Variants in RABGAP1 observed in about 807,000 individuals in gnomAD.
The protein encoded by RABGAP1 is RAB GTPase activating protein 1.
RABGAP1 carries 23 observed loss-of-function variants against 137.6 expected under a neutral mutation model. The observed-to-expected ratio is 0.17, with a 90% CI of 0.12 to 0.24. RABGAP1 has a LOEUF of 0.24. Among genes scored for constraint, RABGAP1 ranks in the 10% least tolerant of loss-of-function variants. RABGAP1 has a pLI of 1.00. For synonymous variants in RABGAP1, 451 were observed against 450.7 expected, an observed-to-expected ratio of 1.00 and a Z score of -0.01; for missense variants, 906 against 1,275.8, an observed-to-expected ratio of 0.71 and a Z score of 4.42.
At chr9:122,975,959 G>C (rs1669153603) in intron 2 of RABGAP1, among the ~76,000 whole-genome samples, 2 of 152,166 alleles carry the variant, frequency 1.3e-5, no homozygotes, top group African/African-American at 2.4e-5. Context: ...TCCAAGTATG[G>C]CTACTAAGTT....
At chr9:123,071,540 A>G (rs760445578) in intron 15 of RABGAP1, 1 of 152,240 alleles carries the variant, frequency 6.6e-6, no homozygotes, top group Non-Finnish European at 1.5e-5. Context: ...CTGGATACAG[A>G]GCTTGTGAAT....
chr9:122,971,538 C>T (rs919332971), intron 2 of RABGAP1: 75 of 152,122 alleles, frequency 4.9e-4, no homozygotes, highest in African/African-American at 1.7e-3. Flanking sequence ...TAGGTATAAC[C>T]TTAAGGGAAA....
chr9:123,027,231 A>T (rs745330648), intron 13 of RABGAP1, among the ~76,000 whole-genome samples: 7 of 149,126 alleles, frequency 4.7e-5, no homozygotes, highest in African/African-American at 9.9e-5. Flanking sequence ...TTCTCCTGTC[A>T]CAGCCTCCCG....
intron 19 of RABGAP1, among the ~76,000 whole-genome samples, chr9:123,083,021 C>G (rs2034760696): frequency 6.6e-6 from 1 of 152,202 alleles, no homozygotes. Context: ...ACACAGTGCT[C>G]TCATACAGTG....
intron 21 of RABGAP1, among the ~76,000 whole-genome samples, chr9:123,092,474 T>G (rs1230830957): frequency 2.0e-5 from 3 of 152,158 alleles, no homozygotes; most frequent in Non-Finnish European, 4.4e-5. Flanking sequence ...GAGGATTTGT[T>G]TTTTTTAACA....
chr9:122,932,416 A>T, the RABGAP1 span, among the ~76,000 whole-genome samples: 2 of 152,048 alleles, frequency 1.3e-5, no homozygotes. Context: ...GTTATTTACA[A>T]CTATACATTT....
chr9:123,091,782 A>T (rs563496842), intron 21 of RABGAP1, among the ~76,000 whole-genome samples: 1 of 152,218 alleles, frequency 6.6e-6, no homozygotes, highest in East Asian at 1.9e-4. Context: ...CCAGAACCTG[A>T]GGTCTTTTGA....
intron 22 of RABGAP1, 146 bp downstream of exon 22, chr9:123,097,991 A>G (rs1442149045): frequency 6.3e-6 from 4 of 639,652 alleles, no homozygotes; most frequent in East Asian, 5.7e-5. Context: ...CTACTGTGTA[A>G]AGTCCAATGG....
At position 123,033,210 on chromosome 9, in the gene RABGAP1, G is replaced by A. The variant is rs577272739; in HGVS notation, c.1794+12751G>A. 7.2e-5 allele frequency among the ~76,000 whole-genome samples: 11 copies of A among 152,260 alleles called. 1 individual carries two copies. In the South Asian group the frequency reaches 2.1e-3, roughly 29 times the overall value. On this transcript the variant is annotated intron_variant, in intron 13 of 25. Coordinates refer to ENST00000373647, the MANE Select transcript of RABGAP1 (RefSeq NM_012197.4). Reference sequence around the variant, plus strand: ...GAATTATGATTCTCAGTTGCCATACGCCATACACTTAAAGGAAGTTAACAT... The same window carrying A: ...GAATTATGATTCTCAGTTGCCATACACCATACACTTAAAGGAAGTTAACAT...
At chr9:122,981,397 G>C (rs192345963) in intron 2 of RABGAP1, among the ~76,000 whole-genome samples, 3 of 152,306 alleles carry the variant, frequency 2.0e-5, no homozygotes, top group East Asian at 1.9e-4. Context: ...TATGACAGAT[G>C]CCATGCTGTG....
chr9:122,941,593 T>C (rs1833572372), intron 1 of RABGAP1, among the ~76,000 whole-genome samples: 1 of 152,260 alleles, frequency 6.6e-6, no homozygotes, highest in Admixed American at 6.5e-5. Context: ...TAGTTTTCAC[T>C]GTCGCTTTGC....
At chr9:122,949,911 C>T (rs1424618425) in intron 1 of RABGAP1, among the ~76,000 whole-genome samples, 2 of 152,032 alleles carry the variant, frequency 1.3e-5, no homozygotes, top group Non-Finnish European at 2.9e-5. Context: ...AACACATTCC[C>T]AGCTGAGCAA....
chr9:122,953,767 T>A (rs1275908589), intron 1 of RABGAP1, among the ~76,000 whole-genome samples: 1 of 152,208 alleles, frequency 6.6e-6, no homozygotes, highest in East Asian at 1.9e-4. Context: ...AAATATGACC[T>A]CTGTTCTTTT....
intron 10 of RABGAP1, among the ~76,000 whole-genome samples, chr9:123,009,557 A>G (rs1221075894): frequency 1.3e-5 from 2 of 152,066 alleles, no homozygotes; most frequent in African/African-American, 2.4e-5. Context: ...ATTTCATGCT[A>G]CCTTCCTTAT....
At position 123,103,517 on chromosome 9, in the gene RABGAP1, G is replaced by GTTTACA. The variant is rs1273280524; in HGVS notation, c.*306_*311dup. On this transcript the variant is annotated 3_prime_UTR_variant, in exon 26 of 26. Transcript: ENST00000373647. ...ACACCTCACCCAGCCTAAAGGCTGAGTTTACATGATCAGAGTTAGGGGATC... is the reference window on the plus strand; with the variant it reads ...ACACCTCACCCAGCCTAAAGGCTGAGTTTACATTTACATGATCAGAGTTAGGGGATC... 1 of 174,848 alleles carries GTTTACA rather than the reference G, an allele frequency of 5.7e-6. No individual in the cohort carries two copies. Among genetic ancestry groups the GTTTACA allele is most frequent in the Non-Finnish European group, 1.2e-5 (1 of 85,542 alleles). The allele number at this position is 174,848 out of a possible 1,614,324, so 10.8% of individuals were successfully genotyped here. A position where few individuals can be genotyped will look rare whatever the true frequency, so the allele number is the denominator to read the frequency against.
intron 21 of RABGAP1, among the ~76,000 whole-genome samples, chr9:123,094,895 G>C (rs2035133584): frequency 1.3e-5 from 2 of 152,110 alleles, no homozygotes; most frequent in African/African-American, 4.8e-5. Context: ...TTCATCTTAA[G>C]TATGTTGATA....
At chr9:123,096,095 T>C (rs1460375436) in intron 21 of RABGAP1, among the ~76,000 whole-genome samples, 4 of 152,360 alleles carry the variant, frequency 2.6e-5, no homozygotes, top group South Asian at 2.1e-4. Flanking sequence ...TCAAGTCTTA[T>C]GTAGAACAAC....
chr9:123,096,738 T>C (rs2132234920), intron 21 of RABGAP1, among the ~76,000 whole-genome samples: 1 of 152,264 alleles, frequency 6.6e-6, no homozygotes, highest in African/African-American at 2.4e-5. Context: ...CCGGCTAATT[T>C]TTTGTATATT....
chr9:123,081,727 G>A (rs1340290213), intron 19 of RABGAP1, among the ~76,000 whole-genome samples: 1 of 152,136 alleles, frequency 6.6e-6, no homozygotes, highest in South Asian at 2.1e-4. Context: ...ACAGGTGTGC[G>A]CCACTGCGCC....
Sources: gnomAD v4.1 joint callset for allele counts (sites outside exome capture counted in the v4.1 genomes callset) on GRCh38, gnomAD v4.1.1 for gene constraint, MANE v1.5 for transcripts, NCBI Gene and HGNC (gene_info 2026-07-23, HGNC 2026-07-21) for gene names.